Variants in ZMAT4 observed in about 807,000 individuals in gnomAD.
ZMAT4 encodes zinc finger matrin-type 4.
ZMAT4 carries 17 observed loss-of-function variants against 28.7 expected under a neutral mutation model. That is an observed-to-expected ratio of 0.59 (90% CI 0.41 to 0.89). The LOEUF is 0.89. ZMAT4 is among the 40% of genes least tolerant of loss of function. The probability of loss-of-function intolerance (pLI) is 0.00; values close to 1 mark genes in which losing one functional copy is unlikely to be tolerated. For missense variants in ZMAT4, 240 were observed against 283.8 expected (o/e 0.85, Z 1.11); for synonymous variants, 117 against 109.2 (o/e 1.07, Z -0.44).
intron 3 of ZMAT4, among the ~76,000 whole-genome samples, chr8:40,698,776 G>A (rs1810003503): frequency 6.6e-6 from 1 of 152,128 alleles, no homozygotes; most frequent in Admixed American, 6.6e-5. Context: ...GGAAGGAAGG[G>A]GTTGTGTGTG....
intron 1 of ZMAT4, among the ~76,000 whole-genome samples, chr8:40,895,131 A>C (rs964253218): frequency 1.4e-5 from 2 of 142,202 alleles, no homozygotes; most frequent in South Asian, 2.4e-4. Flanking sequence ...GAAAGACACA[A>C]CCCCTTCCCA....
At chr8:40,760,596 G>A (rs1202550915) in intron 3 of ZMAT4, among the ~76,000 whole-genome samples, 1 of 152,098 alleles carries the variant, frequency 6.6e-6, no homozygotes, top group Non-Finnish European at 1.5e-5. Context: ...GTTAAGCCAA[G>A]TTTCCACTCA....
At chr8:40,726,991 C>T (rs761098492) in intron 3 of ZMAT4, among the ~76,000 whole-genome samples, 2 of 152,112 alleles carry the variant, frequency 1.3e-5, no homozygotes, top group Non-Finnish European at 2.9e-5. Flanking sequence ...CCTAAGTCAT[C>T]GGAGAGGTAC....
Position 40,601,468 on chromosome 8 carries a change from G to GGAAAGAAA in ZMAT4, c.578-20215_578-20208dup, listed in dbSNP as rs71224836. 2.4e-3 allele frequency among the ~76,000 whole-genome samples: 48 copies of GGAAAGAAA among 19,998 alleles called. 2 individuals are homozygous for GGAAAGAAA. The Middle Eastern group carries it at 0.068, about 28-fold the overall frequency. The allele number at this position is 19,998 out of a possible 152,430, so 13.1% of individuals were successfully genotyped here. On this transcript the variant is annotated intron_variant, in intron 5 of 6. Transcript: ENST00000297737. ...AGGAAGGAAGGAAGGGAGGAAGAAA[G>GGAAAGAAA]GAAAGAAAGAAAGAAAGAAAGAAAG... is the stretch of plus-strand genomic sequence containing the variant.
chr8:40,642,326 C>T (rs1368365795), intron 5 of ZMAT4, among the ~76,000 whole-genome samples: 1 of 152,078 alleles, frequency 6.6e-6, no homozygotes, highest in Non-Finnish European at 1.5e-5. Context: ...ATAGGGTATC[C>T]AACAAAAGTT....
At chr8:40,727,248 T>C (rs545500484) in intron 3 of ZMAT4, among the ~76,000 whole-genome samples, 1 of 152,146 alleles carries the variant, frequency 6.6e-6, no homozygotes, top group East Asian at 1.9e-4. Flanking sequence ...GCTGCCAGAG[T>C]TCTCGTCATC....
intron 1 of ZMAT4, among the ~76,000 whole-genome samples, chr8:40,827,551 G>A (rs1445975670): frequency 2.0e-5 from 3 of 152,154 alleles, no homozygotes; most frequent in Non-Finnish European, 4.4e-5. Flanking sequence ...TTCTGTCCTT[G>A]GCCCTGGCTC....
chr8:40,637,204 A>G (rs1240467677), intron 5 of ZMAT4, among the ~76,000 whole-genome samples: 3 of 152,238 alleles, frequency 2.0e-5, no homozygotes, highest in Non-Finnish European at 4.4e-5. Flanking sequence ...ACGTTAGAGA[A>G]GTGGTCCGAG....
intron 2 of ZMAT4, among the ~76,000 whole-genome samples, chr8:40,795,184 G>A (rs1814536310): frequency 1.3e-5 from 2 of 152,062 alleles, no homozygotes; most frequent in African/African-American, 4.8e-5. Flanking sequence ...CCCTAACCTT[G>A]AGTCCATGTT....
intron 3 of ZMAT4, among the ~76,000 whole-genome samples, chr8:40,746,213 TTCCCTCCTTCCC>T (rs1355228405): frequency 1.0e-5 from 1 of 96,450 alleles, no homozygotes; most frequent in Non-Finnish European, 2.0e-5. Context: ...CCTTCCCTCC[TTCCCTCCTTCCC>T]TCCCTCCCTC....
intron 6 of ZMAT4, among the ~76,000 whole-genome samples, chr8:40,536,367 A>G (rs1289300018): frequency 2.0e-5 from 3 of 152,136 alleles, no homozygotes; most frequent in African/African-American, 7.2e-5. Flanking sequence ...CTAGTTTTCT[A>G]TCTGGGATGT....
chr8:40,650,956 C>T (rs1256426182), intron 5 of ZMAT4, among the ~76,000 whole-genome samples: 1 of 150,618 alleles, frequency 6.6e-6, no homozygotes, highest in Non-Finnish European at 1.5e-5. Flanking sequence ...TATGACAAAC[C>T]CACAGCCAAT....
At chr8:40,793,487 A>G (rs1814451954) in intron 2 of ZMAT4, among the ~76,000 whole-genome samples, 1 of 152,240 alleles carries the variant, frequency 6.6e-6, no homozygotes, top group Non-Finnish European at 1.5e-5. Context: ...CTTTCCTAAT[A>G]GCATGATTTA....
At chr8:40,875,298 G>T (rs896633830) in intron 1 of ZMAT4, among the ~76,000 whole-genome samples, 1 of 152,122 alleles carries the variant, frequency 6.6e-6, no homozygotes, top group African/African-American at 2.4e-5. Context: ...TGTACCACTG[G>T]ACTGCATCTT....
At chr8:40,736,410 A>T (rs60545202) in intron 3 of ZMAT4, among the ~76,000 whole-genome samples, 1 of 152,132 alleles carries the variant, frequency 6.6e-6, no homozygotes, top group Non-Finnish European at 1.5e-5. Context: ...CTATTTTTAC[A>T]TCTTTCAGCA....
In ZMAT4 at chr8:40,532,154, G is replaced by A. The variant is rs1200406021; in HGVS notation, c.*69C>T. On this transcript the variant is annotated 3_prime_UTR_variant, in exon 7 of 7. Transcript: ENST00000297737. ...TTCAAGAAAGAAGCCTCCTCTGGTG[G>A]TTGATAAGCAATTCTCCACGGCAGA... 2 of 1,461,210 alleles carry A rather than the reference G, an allele frequency of 1.4e-6. No individual in the cohort carries two copies. The highest frequency in any genetic ancestry group is 4.9e-5 in the East Asian group (2 of 40,622). The allele number at this position is 1,461,210 out of a possible 1,614,324, so 90.5% of individuals were successfully genotyped here.
intron 1 of ZMAT4, among the ~76,000 whole-genome samples, chr8:40,846,417 G>A (rs1356151998): frequency 6.6e-6 from 1 of 152,214 alleles, no homozygotes; most frequent in East Asian, 1.9e-4. Context: ...GGTCCGCAGA[G>A]GGAGAGGGTG....
At chr8:40,866,146 G>A (rs1817670337) in intron 1 of ZMAT4, among the ~76,000 whole-genome samples, 1 of 152,196 alleles carries the variant, frequency 6.6e-6, no homozygotes, top group African/African-American at 2.4e-5. Context: ...ATTCCTTAAA[G>A]TTCTTTCACT....
rs529754933 is a variant in ZMAT4 at position 40,666,796 on chromosome 8, C to T, written c.577+7908G>A. Among the ~76,000 whole-genome samples, 3 of 152,190 alleles carry T rather than the reference C, an allele frequency of 2.0e-5. No homozygotes were observed. In the South Asian group the frequency reaches 6.2e-4, roughly 32 times the overall value. ...AACCGCATGGGTCTATTTATACACA[C>T]ATTTTTTTCAATCAATATATCGGAA... On this transcript the variant is annotated intron_variant, in intron 5 of 6. Coordinates refer to ENST00000297737, the MANE Select transcript of ZMAT4 (RefSeq NM_024645.3).
Sources: allele counts gnomAD v4.1 joint callset (sites outside exome capture counted in the v4.1 genomes callset), GRCh38; gene constraint gnomAD v4.1.1; transcripts MANE v1.5; gene names NCBI Gene and HGNC (gene_info 2026-07-23, HGNC 2026-07-21).